The following ARMH1 variants were observed in gnomAD, a reference collection of about 807,000 sequenced individuals.
The protein encoded by ARMH1 is armadillo like helical domain containing 1.
A neutral mutation model predicts 50.2 loss-of-function variants in ARMH1; 34 were observed. That is an observed-to-expected ratio of 0.68 (90% confidence interval 0.51 to 0.90). ARMH1 has a LOEUF of 0.90. Among genes scored for constraint, ARMH1 ranks in the 40% least tolerant of loss-of-function variants. The probability of loss-of-function intolerance (pLI) is 0.00; values close to 1 mark genes in which losing one functional copy is unlikely to be tolerated. For synonymous variants in ARMH1, 221 were observed against 224.2 expected (o/e 0.99, Z 0.13); for missense variants, 538 against 553.9 (o/e 0.97, Z 0.29).
At chr1:44,712,810 T>G (rs928879687) in intron 6 of ARMH1, among the ~76,000 whole-genome samples, 3 of 151,584 alleles carry the variant, frequency 2.0e-5, no homozygotes, top group African/African-American at 7.3e-5. Flanking sequence ...ATTACAGGCA[T>G]GTGCCACCAC....
intron 2 of ARMH1, among the ~76,000 whole-genome samples, chr1:44,692,296 A>G (rs1343376198): frequency 2.0e-5 from 3 of 151,802 alleles, no homozygotes; most frequent in Non-Finnish European, 4.4e-5. Context: ...ACCAACTCCT[A>G]CTCTATTATT....
intron 4 of ARMH1, among the ~76,000 whole-genome samples, chr1:44,699,415 T>C (rs1324018309): frequency 6.6e-6 from 1 of 152,132 alleles, no homozygotes; most frequent in Non-Finnish European, 1.5e-5. Context: ...CCTCAGACAG[T>C]TTAGAGTCTG....
chr1:44,701,491 G>A (rs1263711956), intron 5 of ARMH1, among the ~76,000 whole-genome samples: 1 of 151,090 alleles, frequency 6.6e-6, no homozygotes, highest in Non-Finnish European at 1.5e-5. Flanking sequence ...GCTGGGGAAG[G>A]CTTTTTTTTT....
At chr1:44,675,933 C>T (rs1331590452) in intron 1 of ARMH1, among the ~76,000 whole-genome samples, 2 of 152,118 alleles carry the variant, frequency 1.3e-5, no homozygotes, top group Non-Finnish European at 2.9e-5. Context: ...GCACTCCAGC[C>T]TGGGTGACAG....
intron 6 of ARMH1, among the ~76,000 whole-genome samples, chr1:44,722,903 C>CAAAAAAA (rs71036693): frequency 1.2e-5 from 1 of 85,988 alleles, no homozygotes; most frequent in Non-Finnish European, 2.3e-5. Flanking sequence ...ACTAAAAATA[C>CAAAAAAA]AAAAAAAAAA....
Position 44,725,231 on chromosome 1 carries a change from G to A in ARMH1, c.1210+14G>A, listed in dbSNP as rs561037414. 87 of 1,551,662 alleles carry A rather than the reference G, an allele frequency of 5.6e-5. No individual in the cohort carries two copies. In the South Asian group the frequency reaches 8.6e-4, roughly 15 times the overall value. ...ATGTTACCAAAGGTGAGTGTGGGAC[G>A]AGGGAAGCCGGGCGCAGGCGCCGCC... On this transcript the variant is annotated intron_variant, in intron 11 of 11. Coordinates refer to ENST00000535358, the MANE Select transcript of ARMH1 (RefSeq NM_001145636.2).
intron 6 of ARMH1, among the ~76,000 whole-genome samples, chr1:44,707,916 C>A (rs1018492552): frequency 2.6e-5 from 4 of 152,178 alleles, no homozygotes; most frequent in Admixed American, 1.3e-4. Flanking sequence ...AAACTACATG[C>A]CTCAAGGTAA....
intron 4 of ARMH1, among the ~76,000 whole-genome samples, chr1:44,698,949 C>T (rs895887833): frequency 2.6e-5 from 4 of 151,902 alleles, no homozygotes; most frequent in Non-Finnish European, 5.9e-5. Flanking sequence ...GAATTTGAGA[C>T]CAGCCTGGCC....
Position 44,701,163 on chromosome 1 carries a change from A to G in ARMH1, c.639+44A>G, listed in dbSNP as rs1178444427. ...CTCCTGTGGTTCTGATTCAGATGCA[A>G]TAATCTTACAATTACCTTCCGCAGT... On this transcript the variant is annotated intron_variant, in intron 5 of 11. Transcript: ENST00000535358. The G allele has an allele frequency of 7.4e-6, 11 of 1,485,722 alleles. No homozygotes were observed. The Admixed American group carries it at 1.7e-4, about 23-fold the overall frequency. 92.0% of individuals were successfully genotyped at this position (1,485,722 alleles called of 1,614,324 possible). A position where few individuals can be genotyped will look rare whatever the true frequency, so the allele number is the denominator to read the frequency against.
intron 6 of ARMH1, among the ~76,000 whole-genome samples, chr1:44,711,096 A>G (rs534644825): frequency 3.5e-4 from 54 of 152,354 alleles, no homozygotes; most frequent in South Asian, 1.0e-3. Flanking sequence ...CCATTCATTC[A>G]TTATTAGACA....
At chr1:44,686,851 G>A (rs184475847) in intron 1 of ARMH1, among the ~76,000 whole-genome samples, 1 of 152,104 alleles carries the variant, frequency 6.6e-6, no homozygotes, top group Non-Finnish European at 1.5e-5. Context: ...TGAGGCAGGA[G>A]GACTGCTTGA....
intron 6 of ARMH1, among the ~76,000 whole-genome samples, chr1:44,704,712 A>G (rs1646256825): frequency 6.6e-6 from 1 of 151,528 alleles, no homozygotes; most frequent in Non-Finnish European, 1.5e-5. Context: ...AGGTCTCACT[A>G]TGTTGCCCAG....
chr1:44,704,243 T>TAGTCACAA, intron 6 of ARMH1, 70 bp downstream of exon 6: 2 of 1,189,380 alleles, frequency 1.7e-6, no homozygotes, highest in South Asian at 2.6e-5. Context: ...AGCTTTCTCT[T>TAGTCACAA]AGTCACAAAG....
intron 1 of ARMH1, among the ~76,000 whole-genome samples, chr1:44,679,587 G>A (rs749483670): frequency 3.9e-5 from 6 of 152,190 alleles, no homozygotes; most frequent in Admixed American, 1.3e-4. Flanking sequence ...TTAACTGACC[G>A]TTCATGGCAC....
intron 2 of ARMH1, among the ~76,000 whole-genome samples, chr1:44,694,990 C>G (rs1645779232): frequency 6.6e-6 from 1 of 152,106 alleles, no homozygotes; most frequent in African/African-American, 2.4e-5. Context: ...AAAGTTAGAA[C>G]CGGGTGTCTG....
In ARMH1 at chr1:44,724,015, TAA is replaced by T. The variant is rs1557573910; in HGVS notation, c.725-104_725-103del. 7.1e-7 allele frequency: 1 copy of T among 1,406,558 alleles called. No homozygotes were observed. The highest frequency in any genetic ancestry group is 9.6e-7 in the Non-Finnish European group (1 of 1,046,968). 87.1% of individuals were successfully genotyped at this position (1,406,558 alleles called of 1,614,324 possible). On this transcript the variant is annotated intron_variant, in intron 6 of 11. Transcript: ENST00000535358. The surrounding 1 kb of genome is among the most constrained non-coding windows in gnomAD (Gnocchi z 6.4). ...CCACGCCCTGCACAGTGCTGATCAG[TAA>T]AAGAGGAGGACACTGACGAGTGGCG...
chr1:44,705,834 G>A (rs554896430), intron 6 of ARMH1, among the ~76,000 whole-genome samples: 9 of 152,138 alleles, frequency 5.9e-5, no homozygotes, highest in Admixed American at 1.3e-4. Flanking sequence ...AGGGTTCACC[G>A]AGACGGTGGT....
chr1:44,722,177 C>G (rs1319527710), intron 6 of ARMH1, among the ~76,000 whole-genome samples: 2 of 152,160 alleles, frequency 1.3e-5, no homozygotes, highest in African/African-American at 2.4e-5. Flanking sequence ...TCTCTCTTAC[C>G]AGTAAATGGA....
intron 6 of ARMH1, among the ~76,000 whole-genome samples, chr1:44,707,733 T>G (rs1646408351): frequency 6.6e-6 from 1 of 152,142 alleles, no homozygotes; most frequent in South Asian, 2.1e-4. Context: ...AAACAAAACC[T>G]CTTATGCTGA....
Sources: allele counts gnomAD v4.1 joint callset (sites outside exome capture counted in the v4.1 genomes callset), GRCh38; gene constraint gnomAD v4.1.1; non-coding constraint Gnocchi (gnomAD v3.1); transcripts MANE v1.5; gene names NCBI Gene and HGNC (gene_info 2026-07-23, HGNC 2026-07-21).